The following PGLYRP2 variants were observed in gnomAD, a reference collection of about 807,000 sequenced individuals.
PGLYRP2 encodes the protein peptidoglycan recognition protein 2.
A neutral mutation model predicts 46.2 loss-of-function variants in PGLYRP2; 38 were observed. The ratio of observed to expected loss-of-function variants is 0.82; its 90% CI spans 0.64 to 1.08. The LOEUF is 1.08. Ranked by LOEUF, PGLYRP2 falls within the 50% of genes least tolerant of loss-of-function variation. The pLI is 0.00. For synonymous variants in PGLYRP2, 289 were observed against 329.4 expected (o/e 0.88, Z 1.33); for missense variants, 713 against 755.9 (o/e 0.94, Z 0.67).
At chr19:15,478,120 G>T (rs1970814276) in intron 1 of PGLYRP2, among the ~76,000 whole-genome samples, 1 of 152,188 alleles carries the variant, frequency 6.6e-6, no homozygotes, top group South Asian at 2.1e-4. Context: ...GCCGAGGCAG[G>T]CGGATCACTT....
chr19:15,469,226 T>A lies in PGLYRP2; in HGVS notation c.1641+406A>T. 3.3e-6 allele frequency: 2 copies of A among 597,692 alleles called. No homozygotes were observed. The highest frequency in any genetic ancestry group is 6.0e-6 in the Non-Finnish European group (2 of 334,754). The allele number at this position is 597,692 out of a possible 1,614,324, so 37.0% of individuals were successfully genotyped here. On this transcript the variant is annotated intron_variant, in intron 4 of 4. Transcript: ENST00000340880. The surrounding 1 kb of genome is among the most constrained non-coding windows in gnomAD (Gnocchi z 4.9). ...GGTAGGGGCAGGGGTGAGGTCAAGG[T>A]TCGGCGGGCCAGGATGAGGTGGTGC...
At chr19:15,478,945 C>A (rs1253108483) in intron 1 of PGLYRP2, among the ~76,000 whole-genome samples, 1 of 152,134 alleles carries the variant, frequency 6.6e-6, no homozygotes, top group East Asian at 1.9e-4. Context: ...TTACTCGACA[C>A]ACTCTCCTGG....
rs757719223 is a variant in PGLYRP2 at position 15,476,028 on chromosome 19, C to T, written c.642G>A (p.Met214Ile). ...PDAKAKSPPT[M>I]VDSLLAVTLA... ...GGGTGACTGCCAGGAGGCTGTCCAC[C>T]ATGGTCGGTGGGGACTTGGCTTTGG... Residue 214 changes from methionine to isoleucine, a missense_variant, in exon 2 of 5, where the codon ATG becomes ATA. Physicochemically the swap from Met to Ile is conservative, Grantham distance 10. Coordinates refer to ENST00000340880, the MANE Select transcript of PGLYRP2 (RefSeq NM_052890.4). 3 of 1,614,190 alleles carry T rather than the reference C, an allele frequency of 1.9e-6. No homozygotes were observed. In the South Asian group the frequency reaches 3.3e-5, roughly 18 times the overall value.
Position 15,475,764 on chromosome 19 carries a change from C to G in PGLYRP2, c.906G>C (p.Gln302His). ...CTCTGGCCACCCCAGCCCCATAGTACTGGCTCAGCAAGTGGCTGAGGGATG... is the reference window on the plus strand; with the variant it reads ...CTCTGGCCACCCCAGCCCCATAGTAGTGGCTCAGCAAGTGGCTGAGGGATG... ...PRPSLSHLLSQYYGAGVARDP... is the reference protein window; with the variant it reads ...PRPSLSHLLSHYYGAGVARDP... Residue 302 changes from glutamine (Q) to histidine (H), a missense_variant, in exon 2 of 5, where the codon CAG becomes CAC. Gln to His is a conservative substitution (Grantham distance 24, BLOSUM62 0). Coordinates refer to ENST00000340880, the MANE Select transcript of PGLYRP2 (RefSeq NM_052890.4). 1 of 1,614,054 alleles carries G rather than the reference C, an allele frequency of 6.2e-7. No homozygotes were observed. Among genetic ancestry groups the G allele is most frequent in the Non-Finnish European group, 8.5e-7 (1 of 1,179,960 alleles).
Position 15,472,013 on chromosome 19 carries a change from A to C in PGLYRP2, c.1220T>G (p.Leu407Trp), listed in dbSNP as rs760684460. Residue 407 changes from leucine (L) to tryptophan (W), a missense_variant, in exon 3 of 5, where the codon TTG (leucine) becomes TGG (tryptophan). By Grantham distance (61) the Leu-to-Trp change is moderately conservative. Coordinates refer to ENST00000340880, the MANE Select transcript of PGLYRP2 (RefSeq NM_052890.4). ...AGGCACGTAGGTGTGATGCACGTAC[A>C]AGAATCCCAGCGGCAGCTGCAGCAG... The part of the protein sequence containing the change: ...PKLLQLPLGF[L>W]YVHHTYVPAP... 2 of 1,613,568 alleles carry C rather than the reference A, an allele frequency of 1.2e-6. No individual in the cohort carries two copies. The highest frequency in any genetic ancestry group is 1.7e-6 in the Non-Finnish European group (2 of 1,179,956).
Position 15,471,919 on chromosome 19 carries a change from G to T in PGLYRP2, c.1314C>A (p.Asp438Glu). 1 of 1,614,086 alleles carries T rather than the reference G, an allele frequency of 6.2e-7. No individual in the cohort carries two copies. The highest frequency in any genetic ancestry group is 1.3e-5 in the African/African-American group (1 of 75,070). The change falls in exon 3 of 5, where the codon GAC becomes GAA. Residue 438 changes from aspartate to glutamate, a missense_variant. Transcript: ENST00000340880. ...NMRSMQRYHQ[D>E]TQGWGDIGYS... ...AGCCGATGTCTCCCCAGCCTTGCGT[G>T]TCCTGGTGGTAGCGCTGCATGGAGC...
In PGLYRP2 at chr19:15,479,498, G is replaced by A. The variant is rs1038172846; in HGVS notation, c.-127C>T. ...TTGACCACTGTCAAAGTCCAGCGGC[G>A]AATGACAGACCTGCCTCTCGTAGAG... On this transcript the variant is annotated 5_prime_UTR_variant, in exon 1 of 5. Transcript: ENST00000340880. 23 of 934,340 alleles carry A rather than the reference G, an allele frequency of 2.5e-5. No homozygotes were observed. The highest frequency in any genetic ancestry group is 6.5e-5 in the African/African-American group (4 of 61,150). 57.9% of individuals were successfully genotyped at this position (934,340 alleles called of 1,614,324 possible).
In PGLYRP2 at chr19:15,469,782, G is replaced by A; in HGVS notation, c.1491C>T (p.Arg497=). The change falls in exon 4 of 5, where the codon CGC becomes CGT. Residue 497 remains arginine (R), a synonymous_variant. Coordinates refer to ENST00000340880, the MANE Select transcript of PGLYRP2 (RefSeq NM_052890.4). The surrounding 1 kb of genome is among the most constrained non-coding windows in gnomAD (Gnocchi z 4.9). Reference sequence around the variant, plus strand: ...AACTCGGGAGCGTGTCGCGCACCGTGCGCAGAGCGGCCTCGGTGGGCAGCG... The same window carrying A: ...AACTCGGGAGCGTGTCGCGCACCGTACGCAGAGCGGCCTCGGTGGGCAGCG... The part of the protein sequence containing the change: ...TAALPTEAAL[R]TVRDTLPSCA... 1 of 1,510,754 alleles carries A rather than the reference G, an allele frequency of 6.6e-7. No individual in the cohort carries two copies. The highest frequency in any genetic ancestry group is 8.8e-7 in the Non-Finnish European group (1 of 1,138,310). The allele number at this position is 1,510,754 out of a possible 1,614,324, so 93.6% of individuals were successfully genotyped here.
At position 15,476,004 on chromosome 19, in the gene PGLYRP2, G is replaced by A. The variant is rs1568342148; in HGVS notation, c.666C>T (p.Thr222=). The change falls in exon 2 of 5, where the codon ACC becomes ACT. Residue 222 remains threonine (T), a synonymous_variant. Coordinates refer to ENST00000340880, the MANE Select transcript of PGLYRP2 (RefSeq NM_052890.4). ...AGGTCAGGCCCAGGTTTCCAGCCAG[G>A]GTGACTGCCAGGAGGCTGTCCACCA... ...PTMVDSLLAV[T]LAGNLGLTFL... is the part of the protein sequence containing the mutation. 5 of 1,614,174 alleles carry A rather than the reference G, an allele frequency of 3.1e-6. No individual in the cohort carries two copies. The African/African-American group carries it at 4.0e-5, about 13-fold the overall frequency.
intron 2 of PGLYRP2, 53 bp from the exon 3 acceptor site, chr19:15,472,153 C>A: frequency 3.4e-6 from 5 of 1,456,806 alleles, no homozygotes; most frequent in Non-Finnish European, 4.7e-6. Flanking sequence ...TCTGCCTGTT[C>A]CTCCACCCGC....
At chr19:15,472,138 G>C (rs779884348) in intron 2 of PGLYRP2, 38 bp from the exon 3 acceptor site, 105 of 1,536,524 alleles carry the variant, frequency 6.8e-5, no homozygotes, top group Non-Finnish European at 7.1e-5. Context: ...GTCAGGAACT[G>C]TTTCTCTGCC....
intron 3 of PGLYRP2, 52 bp downstream of exon 3, chr19:15,471,838 A>G: frequency 6.3e-7 from 1 of 1,581,256 alleles, no homozygotes; most frequent in Non-Finnish European, 8.6e-7. Flanking sequence ...GCCCACTCAG[A>G]CCCCATCCCC....
In PGLYRP2 at chr19:15,479,328, C is replaced by T; in HGVS notation, c.44G>A (p.Trp15Ter). ...TGACTCACCTGTCCCTGGGTCTGACCACAGTAGCAATCCGAGTAGGATCCA... is the reference window on the plus strand; with the variant it reads ...TGACTCACCTGTCCCTGGGTCTGACTACAGTAGCAATCCGAGTAGGATCCA... ...VLWILLGLLLWSDPGTASLPL... is the reference protein window; with the variant it reads ...VLWILLGLLL Residue 15 changes from tryptophan to a stop codon, truncating the protein, a stop_gained, in exon 1 of 5, where the codon TGG becomes TAG. Coordinates refer to ENST00000340880, the MANE Select transcript of PGLYRP2 (RefSeq NM_052890.4). LOFTEE classifies it high-confidence loss of function. 1 of 1,614,088 alleles carries T rather than the reference C, an allele frequency of 6.2e-7. No individual in the cohort carries two copies. The highest frequency in any genetic ancestry group is 2.2e-5 in the East Asian group (1 of 44,884).
At position 15,469,718 on chromosome 19, in the gene PGLYRP2, G is replaced by C; in HGVS notation, c.1555C>G (p.Leu519Val). The C allele has an allele frequency of 6.7e-7, 1 of 1,500,718 alleles. No individual in the cohort carries two copies. Among genetic ancestry groups the C allele is most frequent in the South Asian group, 1.3e-5 (1 of 75,874 alleles). 93.0% of individuals were successfully genotyped at this position (1,500,718 alleles called of 1,614,324 possible). A position where few individuals can be genotyped will look rare whatever the true frequency, so the allele number is the denominator to read the frequency against. The part of the protein sequence containing the change: ...RAGLLRPDYA[L>V]LGHRQLVRTD... ...CGCACCAGCTGGCGGTGGCCCAGCA[G>C]CGCGTAGTCTGGCCGCAGGAGGCCG... The change falls in exon 4 of 5, where the codon CTG becomes GTG. Residue 519 changes from leucine to valine, a missense_variant. Leu to Val is a conservative substitution (Grantham distance 32, BLOSUM62 1). Coordinates refer to ENST00000340880, the MANE Select transcript of PGLYRP2 (RefSeq NM_052890.4). The surrounding 1 kb of genome is among the most constrained non-coding windows in gnomAD (Gnocchi z 4.9).
At chr19:15,470,238 T>TC (rs1970732233) in intron 3 of PGLYRP2, among the ~76,000 whole-genome samples, 1 of 130,418 alleles carries the variant, frequency 7.7e-6, no homozygotes, top group Non-Finnish European at 1.7e-5. Context: ...TGGGTTTTTT[T>TC]TCTTTCCTTC....
chr19:15,475,737 G>C lies in PGLYRP2; in HGVS notation c.933C>G (p.Asp311Glu). Residue 311 changes from aspartate to glutamate, a missense_variant, in exon 2 of 5, where the codon GAC (aspartate) becomes GAG (glutamate). Coordinates refer to ENST00000340880, the MANE Select transcript of PGLYRP2 (RefSeq NM_052890.4). ...GTCGGAAGTTGCTGCGGAACCCTGG[G>C]TCTCTGGCCACCCCAGCCCCATAGT... ...SQYYGAGVARDPGFRSNFRRQ... is the reference protein window; with the variant it reads ...SQYYGAGVAREPGFRSNFRRQ... 6.2e-7 allele frequency: 1 copy of C among 1,614,044 alleles called. No individual in the cohort carries two copies. Among genetic ancestry groups the C allele is most frequent in the Non-Finnish European group, 8.5e-7 (1 of 1,179,938 alleles).
chr19:15,472,662 A>G (rs955521153), intron 2 of PGLYRP2, among the ~76,000 whole-genome samples: 17 of 151,088 alleles, frequency 1.1e-4, no homozygotes, highest in Non-Finnish European at 1.9e-4. Flanking sequence ...ACACTTTGGG[A>G]GGCGAGGTGG....
At chr19:15,478,220 A>T (rs1970815267) in intron 1 of PGLYRP2, among the ~76,000 whole-genome samples, 1 of 151,946 alleles carries the variant, frequency 6.6e-6, no homozygotes, top group Non-Finnish European at 1.5e-5. Context: ...GGTGGCGGGC[A>T]CCTGTAATCC....
At chr19:15,472,601 A>T (rs1373744251) in intron 2 of PGLYRP2, among the ~76,000 whole-genome samples, 1 of 151,742 alleles carries the variant, frequency 6.6e-6, no homozygotes, top group Non-Finnish European at 1.5e-5. Context: ...CCCCCCAAAA[A>T]AAAATTGGAG....
Sources: allele counts gnomAD v4.1 joint callset (sites outside exome capture counted in the v4.1 genomes callset), GRCh38; gene constraint gnomAD v4.1.1; non-coding constraint Gnocchi (gnomAD v3.1); transcripts MANE v1.5; gene names NCBI Gene and HGNC (gene_info 2026-07-23, HGNC 2026-07-21).